Variants in CNOT4 observed in about 807,000 individuals in gnomAD.
CNOT4 encodes CCR4-associated factor 4.
Under a neutral mutation model 73.8 loss-of-function variants are expected in CNOT4, and 8 were observed. The ratio of observed to expected loss-of-function variants is 0.11; its 90% CI spans 0.06 to 0.20. CNOT4 has a LOEUF of 0.20. Among genes scored for constraint, CNOT4 ranks in the 10% least tolerant of loss-of-function variants. The probability of loss-of-function intolerance (pLI) is 1.00; values close to 1 mark genes in which losing one functional copy is unlikely to be tolerated. For synonymous variants in CNOT4, 293 were observed against 321.1 expected, an observed-to-expected ratio of 0.91 and a Z score of 0.94; for missense variants, 564 against 883.4, an observed-to-expected ratio of 0.64 and a Z score of 4.58.
chr7:135,461,642 G>A (rs1800882135), intron 1 of CNOT4, among the ~76,000 whole-genome samples: 1 of 152,064 alleles, frequency 6.6e-6, no homozygotes. Flanking sequence ...GACCAGCCTG[G>A]CCAACATGGC....
intron 1 of CNOT4, among the ~76,000 whole-genome samples, chr7:135,507,968 A>T (rs1585752968): frequency 6.6e-6 from 1 of 152,338 alleles, no homozygotes. Flanking sequence ...GCTGAAAGAA[A>T]AAAGTTTTAT....
chr7:135,487,177 T>C (rs1043672441), intron 1 of CNOT4, among the ~76,000 whole-genome samples: 2 of 151,332 alleles, frequency 1.3e-5, no homozygotes, highest in Non-Finnish European at 2.9e-5. Context: ...AGTTTTAGCT[T>C]GTTGGCCCAA....
At chr7:135,421,113 G>A (rs745592311) in intron 3 of CNOT4, among the ~76,000 whole-genome samples, 10 of 152,056 alleles carry the variant, frequency 6.6e-5, no homozygotes, top group Non-Finnish European at 1.0e-4. Context: ...AAATCATTTC[G>A]TATTGATTTT....
intron 1 of CNOT4, among the ~76,000 whole-genome samples, chr7:135,496,875 C>G (rs1052020333): frequency 6.6e-6 from 1 of 152,028 alleles, no homozygotes; most frequent in African/African-American, 2.4e-5. Context: ...GGCACAATCA[C>G]AGCTCACTGC....
At chr7:135,488,247 C>G (rs1802870049) in intron 1 of CNOT4, among the ~76,000 whole-genome samples, 1 of 152,124 alleles carries the variant, frequency 6.6e-6, no homozygotes, top group African/African-American at 2.4e-5. Context: ...CTGCAACCTT[C>G]ACCTCCCAGG....
Position 135,415,218 on chromosome 7 carries a change from A to G in CNOT4, c.417T>C (p.His139=). 3 of 1,604,728 alleles carry G rather than the reference A, an allele frequency of 1.9e-6. No homozygotes were observed. Among genetic ancestry groups the G allele is most frequent in the Non-Finnish European group, 2.6e-6 (3 of 1,171,738 alleles). ...PEYFGKFGKI[H]KVVINNSTSY... ...ATGTGCTATTATTGATGACAACTTT[A>G]TGTATTTTACCAAACTTCCCAAAAT... is the stretch of plus-strand genomic sequence containing the variant. The change falls in exon 4 of 12, where the codon CAT becomes CAC. Residue 139 remains histidine (H), a synonymous_variant. Coordinates refer to ENST00000541284, the MANE Select transcript of CNOT4 (RefSeq NM_001190850.2).
rs114225912 is a variant in CNOT4 at position 135,508,683 on chromosome 7, G to A, written c.-93+1206C>T. Among the ~76,000 whole-genome samples the A allele has an allele frequency of 5.3e-3, 802 of 152,218 alleles. 11 individuals carry two copies. The highest frequency in any genetic ancestry group is 0.018 in the African/African-American group (767 of 41,534). Reference sequence around the variant, plus strand: ...TAAATAAAATGTCATCAATTAAGCTGAACATCAATAAAACTCAGTCAAAAA... The same window carrying A: ...TAAATAAAATGTCATCAATTAAGCTAAACATCAATAAAACTCAGTCAAAAA... On this transcript the variant is annotated intron_variant, in intron 1 of 11. Coordinates refer to ENST00000541284, the MANE Select transcript of CNOT4 (RefSeq NM_001190850.2).
intron 10 of CNOT4, among the ~76,000 whole-genome samples, chr7:135,368,201 A>T (rs1436960285): frequency 6.6e-6 from 1 of 152,142 alleles, no homozygotes; most frequent in Non-Finnish European, 1.5e-5. Context: ...AAAATCTCTT[A>T]TTAAAGAAGA....
intron 1 of CNOT4, among the ~76,000 whole-genome samples, chr7:135,496,590 CT>C (rs1419093314): frequency 6.6e-6 from 1 of 152,032 alleles, no homozygotes; most frequent in Non-Finnish European, 1.5e-5. Flanking sequence ...CTGAAACCTC[CT>C]TGGCTACCTA....
chr7:135,399,780 GA>G (rs1325454819), intron 7 of CNOT4, among the ~76,000 whole-genome samples: 6 of 152,008 alleles, frequency 3.9e-5, no homozygotes, highest in African/African-American at 1.4e-4. Flanking sequence ...AAATTTACTT[GA>G]AGAGCATTTT....
chr7:135,424,080 CACACACACACA>C (rs1474636051), intron 2 of CNOT4, among the ~76,000 whole-genome samples: 1 of 108,330 alleles, frequency 9.2e-6, no homozygotes, highest in Non-Finnish European at 2.0e-5. Flanking sequence ...CACACACACA[CACACACACACA>C]TTTTTTATTA....
At chr7:135,396,450 C>G (rs1159639886) in intron 8 of CNOT4, among the ~76,000 whole-genome samples, 2 of 152,086 alleles carry the variant, frequency 1.3e-5, no homozygotes, top group Non-Finnish European at 2.9e-5. Flanking sequence ...ACTTCTCTCA[C>G]TTTACCAAGA....
chr7:135,462,397 AG>A (rs1800930815), intron 1 of CNOT4, among the ~76,000 whole-genome samples: 1 of 152,150 alleles, frequency 6.6e-6, no homozygotes, highest in African/African-American at 2.4e-5. Flanking sequence ...CTACTCTAAA[AG>A]GTCCACTTTA....
rs184009569 is a variant in CNOT4 at position 135,433,855 on chromosome 7, C to A, written c.174+4303G>T. Among the ~76,000 whole-genome samples the A allele has an allele frequency of 3.6e-4, 55 of 152,258 alleles. No homozygotes were observed. In the Middle Eastern group the frequency reaches 0.014, roughly 38 times the overall value. ...TAGTAGCTTTCTCAGAAATGCTGCA[C>A]TAAAAGGACACATGAAAGCAGTCTA... On this transcript the variant is annotated intron_variant, in intron 2 of 11. Transcript: ENST00000541284.
At position 135,388,773 on chromosome 7, in the gene CNOT4, C is replaced by T. The variant is rs572326937; in HGVS notation, c.1627+5145G>A. The T allele has an allele frequency of 1.2e-5, 20 of 1,608,576 alleles. No homozygotes were observed. In the South Asian group the frequency reaches 1.9e-4, roughly 15 times the overall value. On this transcript the variant is annotated intron_variant, in intron 10 of 11. Transcript: ENST00000541284. ...CCATGCAAGCACCCCAGAGTCTAAT[C>T]CTCTCCTCTCAGTTCTGTTGTCAGG...
At chr7:135,476,652 A>G (rs958112648) in intron 1 of CNOT4, among the ~76,000 whole-genome samples, 4 of 152,020 alleles carry the variant, frequency 2.6e-5, no homozygotes, top group African/African-American at 7.2e-5. Context: ...CTCCAGCCTG[A>G]GCAACAGAGC....
chr7:135,444,157 A>G (rs1224458224), intron 1 of CNOT4, among the ~76,000 whole-genome samples: 1 of 151,524 alleles, frequency 6.6e-6, no homozygotes, highest in Non-Finnish European at 1.5e-5. Context: ...TAATAATAAT[A>G]ATAATAATAA....
At chr7:135,460,592 T>C (rs376697265) in intron 1 of CNOT4, among the ~76,000 whole-genome samples, 5 of 152,068 alleles carry the variant, frequency 3.3e-5, no homozygotes, top group Non-Finnish European at 5.9e-5. Context: ...ACAGCTATAA[T>C]AGTAACATCA....
At chr7:135,366,808 AC>A (rs572019902) in intron 10 of CNOT4, among the ~76,000 whole-genome samples, 91 of 152,160 alleles carry the variant, frequency 6.0e-4, no homozygotes, top group Non-Finnish European at 9.1e-4. Context: ...AAGTGCTGGC[AC>A]AAAGAAAAGG....
Sources: gnomAD v4.1 joint callset for allele counts (sites outside exome capture counted in the v4.1 genomes callset) on GRCh38, gnomAD v4.1.1 for gene constraint, MANE v1.5 for transcripts, NCBI Gene and HGNC (gene_info 2026-07-23, HGNC 2026-07-21) for gene names.